BMPR1B: variants seen among roughly 807,000 people sequenced by gnomAD.
The protein encoded by BMPR1B is bone morphogenetic protein receptor type-1B.
In BMPR1B, 12 loss-of-function variants were observed where a neutral mutation model predicts 59.1. The observed-to-expected ratio is 0.20, with a 90% CI of 0.13 to 0.33. BMPR1B has a LOEUF of 0.33. BMPR1B is among the 10% of genes least tolerant of loss of function. BMPR1B has a pLI of 1.00. For missense variants in BMPR1B, 550 were observed against 610.9 expected, an observed-to-expected ratio of 0.90 and a Z score of 1.05; for synonymous variants, 237 against 207.3, an observed-to-expected ratio of 1.14 and a Z score of -1.23.
chr4:95,034,892 A>C (rs1036214950), intron 3 of BMPR1B, among the ~76,000 whole-genome samples: 1 of 152,036 alleles, frequency 6.6e-6, no homozygotes, highest in African/African-American at 2.4e-5. Context: ...TTACATTCTC[A>C]CCAGCAGTAT....
chr4:94,927,563 A>T (rs1384259004), intron 2 of BMPR1B, among the ~76,000 whole-genome samples: 1 of 152,144 alleles, frequency 6.6e-6, no homozygotes, highest in Non-Finnish European at 1.5e-5. Flanking sequence ...AGAAAAGGAC[A>T]TTCAGTTGGC....
At chr4:95,063,554 G>A (rs755145961) in intron 3 of BMPR1B, among the ~76,000 whole-genome samples, 6 of 152,170 alleles carry the variant, frequency 3.9e-5, no homozygotes, top group Non-Finnish European at 5.9e-5. Flanking sequence ...CAACACTGGC[G>A]TTTGTATCTT....
At chr4:95,109,842 T>A (rs1338105250) in intron 4 of BMPR1B, among the ~76,000 whole-genome samples, 1 of 149,464 alleles carries the variant, frequency 6.7e-6, no homozygotes, top group Non-Finnish European at 1.5e-5. Context: ...GTGTATCTCC[T>A]AATGCTATCC....
At chr4:94,915,615 G>T (rs1326977947) in intron 2 of BMPR1B, among the ~76,000 whole-genome samples, 2 of 152,076 alleles carry the variant, frequency 1.3e-5, no homozygotes, top group Non-Finnish European at 2.9e-5. Context: ...ACATAATGAA[G>T]ATATTACTAT....
At chr4:95,063,973 C>T (rs1344920982) in intron 3 of BMPR1B, among the ~76,000 whole-genome samples, 1 of 151,978 alleles carries the variant, frequency 6.6e-6, no homozygotes, top group Non-Finnish European at 1.5e-5. Context: ...AAATAATTAG[C>T]AGTTTTAGAT....
intron 1 of BMPR1B, among the ~76,000 whole-genome samples, chr4:94,788,809 C>A (rs1722850520): frequency 6.6e-6 from 1 of 152,186 alleles, no homozygotes; most frequent in Non-Finnish European, 1.5e-5. Flanking sequence ...TCCAGTTTAT[C>A]TGCCTCTCAA....
chr4:95,118,770 A>G (rs1001807618), intron 6 of BMPR1B, among the ~76,000 whole-genome samples: 1 of 152,208 alleles, frequency 6.6e-6, no homozygotes, highest in Admixed American at 6.5e-5. Context: ...AGGTAATGGC[A>G]GATTAAAACA....
At chr4:95,120,382 C>A (rs1457358887) in intron 6 of BMPR1B, among the ~76,000 whole-genome samples, 1 of 152,168 alleles carries the variant, frequency 6.6e-6, no homozygotes, top group Non-Finnish European at 1.5e-5. Flanking sequence ...TACAGCATCA[C>A]TCCTATTCAG....
intron 1 of BMPR1B, among the ~76,000 whole-genome samples, chr4:94,801,843 G>A (rs538161750): frequency 6.6e-6 from 1 of 152,078 alleles, no homozygotes; most frequent in Non-Finnish European, 1.5e-5. Flanking sequence ...TGAAGTTTAC[G>A]ATTAAATAAA....
intron 3 of BMPR1B, among the ~76,000 whole-genome samples, chr4:95,032,106 T>C (rs769349315): frequency 1.4e-4 from 21 of 152,118 alleles, no homozygotes; most frequent in Non-Finnish European, 3.1e-4. Context: ...CTGGATAGCT[T>C]AGACAACAGA....
intron 1 of BMPR1B, among the ~76,000 whole-genome samples, chr4:94,843,699 CT>C (rs1386192725): frequency 3.9e-5 from 6 of 152,046 alleles, no homozygotes; most frequent in African/African-American, 1.4e-4. Context: ...TTTGGAAATA[CT>C]GCTCTATTCA....
At chr4:95,070,759 T>C (rs142858516) in intron 3 of BMPR1B, among the ~76,000 whole-genome samples, 9 of 152,298 alleles carry the variant, frequency 5.9e-5, no homozygotes, top group African/African-American at 2.2e-4. Flanking sequence ...TTTTCTAGAT[T>C]ATTTAAAAAA....
intron 2 of BMPR1B, among the ~76,000 whole-genome samples, chr4:94,975,369 T>TTTTC (rs936993902): frequency 6.8e-5 from 9 of 133,294 alleles, no homozygotes; most frequent in African/African-American, 3.1e-4. Flanking sequence ...TTTTGTTTTT[T>TTTTC]TTTTTTTTTT....
At chr4:94,985,613 C>G (rs1324478976) in intron 2 of BMPR1B, among the ~76,000 whole-genome samples, 4 of 150,754 alleles carry the variant, frequency 2.7e-5, no homozygotes, top group African/African-American at 9.8e-5. Context: ...TCGTTCTGTT[C>G]CATGGTAATT....
intron 1 of BMPR1B, among the ~76,000 whole-genome samples, chr4:94,856,560 T>C (rs961825526): frequency 1.3e-5 from 2 of 152,156 alleles, no homozygotes; most frequent in African/African-American, 4.8e-5. Context: ...AACAAGAAGG[T>C]CCTGCTGCAG....
In BMPR1B at chr4:94,935,459, C is replaced by G. The variant is rs918566714; in HGVS notation, c.-113+59559C>G. ...TTGATAAAGTGGTGAACAAGACGGGCATTTTCCATCCCTCCTACAGCTTGC... is the reference window on the plus strand; with the variant it reads ...TTGATAAAGTGGTGAACAAGACGGGGATTTTCCATCCCTCCTACAGCTTGC... On this transcript the variant is annotated intron_variant, in intron 2 of 12. Transcript: ENST00000515059. Among the ~76,000 whole-genome samples, 6 of 152,302 alleles carry G rather than the reference C, an allele frequency of 3.9e-5. No individual in the cohort carries two copies. The South Asian group carries it at 6.2e-4, about 16-fold the overall frequency.
chr4:95,098,771 C>A (rs1429315455), intron 3 of BMPR1B, among the ~76,000 whole-genome samples: 5 of 152,054 alleles, frequency 3.3e-5, no homozygotes, highest in Non-Finnish European at 5.9e-5. Context: ...GGCTGGAGTG[C>A]AGTGGCGCGA....
intron 1 of BMPR1B, among the ~76,000 whole-genome samples, chr4:94,775,030 C>T (rs1722318522): frequency 6.6e-6 from 1 of 152,114 alleles, no homozygotes; most frequent in Admixed American, 6.6e-5. Flanking sequence ...AAATTCTCTT[C>T]TGTATTTTGA....
chr4:94,984,193 TGA>T (rs1448355800), intron 2 of BMPR1B, among the ~76,000 whole-genome samples: 1 of 152,236 alleles, frequency 6.6e-6, no homozygotes, highest in East Asian at 1.9e-4. Context: ...GCTTGTCATC[TGA>T]ATAAGGTTTT....
Sources: gnomAD v4.1 joint callset for allele counts (sites outside exome capture counted in the v4.1 genomes callset) on GRCh38, gnomAD v4.1.1 for gene constraint, MANE v1.5 for transcripts, NCBI Gene and HGNC (gene_info 2026-07-23, HGNC 2026-07-21) for gene names.